Variants in MALRD1 observed in about 807,000 individuals in gnomAD.
The protein encoded by MALRD1 is MAM and LDL-receptor class A domain-containing protein 1.
A neutral mutation model predicts 242.1 loss-of-function variants in MALRD1; 247 were observed. The ratio of observed to expected loss-of-function variants is 1.02; its 90% CI spans 0.92 to 1.13. The LOEUF is 1.13. MALRD1 is among the 50% of genes most tolerant of loss of function. The pLI, the probability that MALRD1 is intolerant of heterozygous loss-of-function variation, is 0.00. For missense variants in MALRD1, 2,989 were observed against 2,533.1 expected, an observed-to-expected ratio of 1.18 and a Z score of -3.86; for synonymous variants, 995 against 866.6, an observed-to-expected ratio of 1.15 and a Z score of -2.60.
chr10:19,100,983 C>T (rs945915870), intron 4 of MALRD1, among the ~76,000 whole-genome samples: 3 of 152,052 alleles, frequency 2.0e-5, no homozygotes, highest in Non-Finnish European at 4.4e-5. Flanking sequence ...TTTTTACCTA[C>T]AAACACACAA....
chr10:19,058,908 A>T (rs904996251), intron 1 of MALRD1, among the ~76,000 whole-genome samples: 4 of 152,186 alleles, frequency 2.6e-5, no homozygotes, highest in African/African-American at 4.8e-5. Context: ...AGGCAAGAGA[A>T]TTATAAACTC....
Position 19,103,561 on chromosome 10 carries a change from A to AAAT in MALRD1, c.598-416_598-415insTAA, listed in dbSNP as rs1554789184. ...AGCGAGACTCCGTCTCAAAAAAAAA[A>AAAT]AAAATAAATAAAGATTTAGAGAACC... On this transcript the variant is annotated intron_variant, in intron 4 of 39. Transcript: ENST00000454679. Among the ~76,000 whole-genome samples, 461 of 146,832 alleles carry AAAT rather than the reference A, an allele frequency of 3.1e-3. 5 individuals carry two copies. The highest frequency in any genetic ancestry group is 0.012 in the African/African-American group (444 of 37,350).
At chr10:19,650,153 A>T (rs1840803595) in intron 36 of MALRD1, among the ~76,000 whole-genome samples, 1 of 152,210 alleles carries the variant, frequency 6.6e-6, no homozygotes, top group Non-Finnish European at 1.5e-5. Flanking sequence ...AATTTTCCTG[A>T]GTAGGATTAG....
intron 17 of MALRD1, among the ~76,000 whole-genome samples, chr10:19,206,842 T>C (rs1455887568): frequency 6.6e-6 from 1 of 152,284 alleles, no homozygotes; most frequent in East Asian, 1.9e-4. Context: ...AGCGTCAGTT[T>C]TATGTCAGAA....
chr10:19,060,940 A>G (rs1006617999), intron 1 of MALRD1, among the ~76,000 whole-genome samples: 5 of 152,204 alleles, frequency 3.3e-5, no homozygotes, highest in Non-Finnish European at 7.3e-5. Context: ...ATGTAGCCAT[A>G]AAAAGGAATG....
Position 19,108,355 on chromosome 10 carries a change from C to G in MALRD1, c.694+4280C>G, listed in dbSNP as rs1043673279. ...GTCTTATAAATGATATCTCTTTGTT[C>G]AAATAATTATTGAGCTCATGAATTG... On this transcript the variant is annotated intron_variant, in intron 5 of 39. Transcript: ENST00000454679. Among the ~76,000 whole-genome samples, 3 of 139,362 alleles carry G rather than the reference C, an allele frequency of 2.2e-5. No homozygotes were observed. In the East Asian group the frequency reaches 6.7e-4, roughly 31 times the overall value. 91.4% of individuals were successfully genotyped at this position (139,362 alleles called of 152,430 possible).
At chr10:19,333,244 C>T (rs1174922980) in intron 24 of MALRD1, among the ~76,000 whole-genome samples, 1 of 152,110 alleles carries the variant, frequency 6.6e-6, no homozygotes. Context: ...TTAGTCTTGT[C>T]AGCCAGATAG....
intron 28 of MALRD1, among the ~76,000 whole-genome samples, chr10:19,438,460 T>G (rs1834449559): frequency 1.3e-5 from 2 of 152,346 alleles, no homozygotes; most frequent in South Asian, 2.1e-4. Flanking sequence ...AATAATGTTG[T>G]TATTAACATG....
chr10:19,687,127 A>T (rs1377004173), intron 36 of MALRD1, among the ~76,000 whole-genome samples: 1 of 151,898 alleles, frequency 6.6e-6, no homozygotes, highest in African/African-American at 2.4e-5. Context: ...CGTATCTAAC[A>T]TTTTTTTTCT....
chr10:19,567,649 G>C lies in MALRD1; in HGVS notation c.5626G>C (p.Asp1876His), dbSNP rs1408110700. ...TGAAGCTGATTTGGATGGAAATGAGGACATCTTTATTGCTCTTGATGACAT... is the reference window on the plus strand; with the variant it reads ...TGAAGCTGATTTGGATGGAAATGAGCACATCTTTATTGCTCTTGATGACAT... ...AFEADLDGNE[D>H]IFIALDDISF... The change falls in exon 33 of 40, where the codon GAC becomes CAC. Residue 1876 changes from aspartate to histidine, a missense_variant. Asp to His is a moderately conservative substitution (Grantham distance 81). Coordinates refer to ENST00000454679, the MANE Select transcript of MALRD1 (RefSeq NM_001142308.3). 2.6e-6 allele frequency: 4 copies of C among 1,550,698 alleles called. No individual in the cohort carries two copies. Among genetic ancestry groups the C allele is most frequent in the Middle Eastern group, 1.7e-4 (1 of 5,992 alleles).
intron 35 of MALRD1, among the ~76,000 whole-genome samples, chr10:19,613,023 A>G (rs916785493): frequency 1.3e-5 from 2 of 151,752 alleles, no homozygotes; most frequent in Non-Finnish European, 2.9e-5. Context: ...TATTGCTTAC[A>G]TAAAATTTCT....
chr10:19,230,214 C>A (rs367767754), intron 18 of MALRD1, among the ~76,000 whole-genome samples: 39 of 152,220 alleles, frequency 2.6e-4, no homozygotes, highest in African/African-American at 9.1e-4. Flanking sequence ...TTGGGTATGT[C>A]TTCATCAGCA....
rs74118860 is a variant in MALRD1, at chr10:19,204,899, T to A, written c.2212T>A (p.Phe738Ile). 2.2e-3 allele frequency: 3,415 copies of A among 1,543,758 alleles called. 43 individuals are homozygous for A. The African/African-American group carries it at 0.033, about 15-fold the overall frequency. ...TGPGCILSFWFYNYGLSVGAA... is the reference protein window; with the variant it reads ...TGPGCILSFWIYNYGLSVGAA... Reference sequence around the variant, plus strand: ...TTTCTTACGTTTACTCTTTTTTAGGTTCTATAACTATGGCCTGTCAGTGGG... The same window carrying A: ...TTTCTTACGTTTACTCTTTTTTAGGATCTATAACTATGGCCTGTCAGTGGG... The change falls in exon 17 of 40, where the codon TTC (phenylalanine) becomes ATC (isoleucine). Residue 738 changes from phenylalanine to isoleucine, a missense_variant and splice_region_variant. Coordinates refer to ENST00000454679, the MANE Select transcript of MALRD1 (RefSeq NM_001142308.3).
At chr10:19,545,182 T>G (rs2131387816) in intron 32 of MALRD1, among the ~76,000 whole-genome samples, 1 of 152,254 alleles carries the variant, frequency 6.6e-6, no homozygotes, top group Admixed American at 6.5e-5. Flanking sequence ...TTCTTATGTC[T>G]AAATTTTTTC....
chr10:19,396,319 T>C (rs1388836539), intron 28 of MALRD1, among the ~76,000 whole-genome samples: 2 of 151,840 alleles, frequency 1.3e-5, no homozygotes, highest in Non-Finnish European at 1.5e-5. Context: ...GTATTTTTAG[T>C]AAAGACGGGG....
intron 21 of MALRD1, among the ~76,000 whole-genome samples, chr10:19,287,232 A>G (rs1841169878): frequency 6.6e-6 from 1 of 152,022 alleles, no homozygotes; most frequent in African/African-American, 2.4e-5. Flanking sequence ...TCATTCCTCT[A>G]TACTTTTCTC....
chr10:19,278,499 A>G (rs1840646796), intron 19 of MALRD1, among the ~76,000 whole-genome samples: 1 of 152,054 alleles, frequency 6.6e-6, no homozygotes, highest in Non-Finnish European at 1.5e-5. Context: ...CCATCCATCC[A>G]TCTGTCCATC....
At chr10:19,500,458 T>G (rs1837919453) in intron 31 of MALRD1, among the ~76,000 whole-genome samples, 1 of 152,188 alleles carries the variant, frequency 6.6e-6, no homozygotes, top group Non-Finnish European at 1.5e-5. Flanking sequence ...GGACTTAAAA[T>G]TAAATCCAAG....
intron 2 of MALRD1, among the ~76,000 whole-genome samples, chr10:19,082,081 TTTC>T (rs1835508330): frequency 6.6e-6 from 1 of 151,866 alleles, no homozygotes; most frequent in African/African-American, 2.4e-5. Context: ...GACTTATTTT[TTTC>T]TTATTACTCT....
Sources: gnomAD v4.1 joint callset for allele counts (sites outside exome capture counted in the v4.1 genomes callset) on GRCh38, gnomAD v4.1.1 for gene constraint, MANE v1.5 for transcripts, NCBI Gene and HGNC (gene_info 2026-07-23, HGNC 2026-07-21) for gene names.